The following PDLIM1 variants were observed in gnomAD, a reference collection of about 807,000 sequenced individuals.
PDLIM1 encodes PDZ and LIM domain 1.
PDLIM1 carries 25 observed loss-of-function variants against 35.2 expected under a neutral mutation model. The ratio of observed to expected loss-of-function variants is 0.71; its 90% CI spans 0.52 to 0.99. The LOEUF is 0.99. PDLIM1 is among the 50% of genes least tolerant of loss of function. The probability of loss-of-function intolerance (pLI) is 0.00; values close to 1 mark genes in which losing one functional copy is unlikely to be tolerated. For synonymous variants in PDLIM1, 152 were observed against 154.0 expected, an observed-to-expected ratio of 0.99 and a Z score of 0.10; for missense variants, 363 against 415.3, an observed-to-expected ratio of 0.87 and a Z score of 1.09.
chr10:95,258,085 G>A (rs2035331595), intron 4 of PDLIM1, among the ~76,000 whole-genome samples: 1 of 152,130 alleles, frequency 6.6e-6, no homozygotes, highest in Non-Finnish European at 1.5e-5. Context: ...GAGAGAGAGA[G>A]CTGGTGAAGG....
intron 1 of PDLIM1, among the ~76,000 whole-genome samples, chr10:95,284,059 G>C (rs2035581810): frequency 6.7e-6 from 1 of 150,104 alleles, no homozygotes; most frequent in Non-Finnish European, 1.5e-5. Context: ...CTTCACTCTT[G>C]TTGCTGTGAT....
chr10:95,252,076 G>C (rs569086252), intron 4 of PDLIM1, among the ~76,000 whole-genome samples: 1 of 152,186 alleles, frequency 6.6e-6, no homozygotes, highest in Admixed American at 6.5e-5. Flanking sequence ...AAGGCCAAGT[G>C]GGGGGTCCAG....
Position 95,271,765 on chromosome 10 carries a change from G to A in PDLIM1, c.116C>T (p.Ala39Val), listed in dbSNP as rs376529780. 16 of 1,611,550 alleles carry A rather than the reference G, an allele frequency of 9.9e-6. No homozygotes were observed. The highest frequency in any genetic ancestry group is 1.7e-4 in the Middle Eastern group (1 of 6,054). The change falls in exon 2 of 7, where the codon GCG (alanine) becomes GTG (valine). Residue 39 changes from alanine to valine, a missense_variant. By Grantham distance (64) the Ala-to-Val change is moderately conservative (BLOSUM62 0). Transcript: ENST00000329399. Reference protein sequence around the residue: ...AISRVTPGSKAALANLCIGDV... With the variant: ...AISRVTPGSKVALANLCIGDV... ...TCCAATACATAAATTAGCTAGAGCC[G>A]CCTTGCTTCCAGGAGTGACCTAGAA...
intron 4 of PDLIM1, among the ~76,000 whole-genome samples, chr10:95,258,003 A>G (rs1010578295): frequency 1.3e-5 from 2 of 152,218 alleles, no homozygotes; most frequent in Non-Finnish European, 2.9e-5. Flanking sequence ...ACAGTTCCAC[A>G]TGGCTGGGGT....
intron 1 of PDLIM1, among the ~76,000 whole-genome samples, chr10:95,279,373 T>G (rs183049015): frequency 2.0e-5 from 3 of 152,310 alleles, no homozygotes; most frequent in Middle Eastern, 3.4e-3. Flanking sequence ...TCTAGCCATT[T>G]TTTCCCATTC....
intron 4 of PDLIM1, among the ~76,000 whole-genome samples, chr10:95,263,105 A>T (rs2035379896): frequency 1.3e-5 from 2 of 151,078 alleles, no homozygotes; most frequent in African/African-American, 4.9e-5. Flanking sequence ...TGATCAAACC[A>T]CTGTACTCCA....
intron 1 of PDLIM1, among the ~76,000 whole-genome samples, chr10:95,281,241 A>G (rs2035558496): frequency 6.6e-6 from 1 of 152,068 alleles, no homozygotes. Context: ...AGGAATATCC[A>G]TTAGAATAGT....
intron 5 of PDLIM1, among the ~76,000 whole-genome samples, chr10:95,246,558 C>T (rs45472993): frequency 1.3e-5 from 2 of 152,244 alleles, no homozygotes; most frequent in East Asian, 1.9e-4. Flanking sequence ...TACTCAGTTA[C>T]GATGATGGAT....
In PDLIM1 at chr10:95,290,768, C is replaced by T. The variant is rs574808985; in HGVS notation, c.96+52G>A. 246 of 1,328,948 alleles carry T rather than the reference C, an allele frequency of 1.9e-4. 1 individual carries two copies. The South Asian group carries it at 3.2e-3, about 17-fold the overall frequency. 82.3% of individuals were successfully genotyped at this position (1,328,948 alleles called of 1,614,324 possible). A position where few individuals can be genotyped will look rare whatever the true frequency, so the allele number is the denominator to read the frequency against. On this transcript the variant is annotated intron_variant, in intron 1 of 6. Transcript: ENST00000329399. This position sits in a 1 kb window ranked among gnomAD's most constrained non-coding sequence, Gnocchi z 4.7. ...CGCGCCCGCGGGGCCCCAGTCTCCG[C>T]ATATCACCTCCCATAGCGCCCCGCT... is the stretch of plus-strand genomic sequence containing the variant.
At chr10:95,261,980 C>T (rs1453298245) in intron 4 of PDLIM1, among the ~76,000 whole-genome samples, 1 of 150,930 alleles carries the variant, frequency 6.6e-6, no homozygotes, top group Non-Finnish European at 1.5e-5. Context: ...TGCACTCTAG[C>T]CTAGGCAACA....
intron 3 of PDLIM1, among the ~76,000 whole-genome samples, chr10:95,266,058 C>T (rs535061991): frequency 9.9e-5 from 15 of 151,928 alleles, no homozygotes; most frequent in African/African-American, 3.6e-4. Context: ...ATTAGCTAGG[C>T]GTGGTGGCAC....
chr10:95,257,285 G>A (rs139826987), intron 4 of PDLIM1, among the ~76,000 whole-genome samples: 12 of 151,814 alleles, frequency 7.9e-5, no homozygotes, highest in Admixed American at 1.3e-4. Context: ...TCTTGAATAT[G>A]ACACAAAAAC....
At chr10:95,243,126 C>T (rs1003684382) in intron 5 of PDLIM1, among the ~76,000 whole-genome samples, 3 of 152,004 alleles carry the variant, frequency 2.0e-5, no homozygotes, top group African/African-American at 7.3e-5. Flanking sequence ...AATGAAGAGA[C>T]CTGACCTGGA....
At chr10:95,242,929 C>T (rs2035190400) in intron 5 of PDLIM1, among the ~76,000 whole-genome samples, 1 of 152,088 alleles carries the variant, frequency 6.6e-6, no homozygotes, top group Non-Finnish European at 1.5e-5. Flanking sequence ...GGGCTGAGAA[C>T]CAGCTCAATG....
intron 4 of PDLIM1, among the ~76,000 whole-genome samples, chr10:95,252,227 C>T (rs542730370): frequency 6.6e-6 from 1 of 152,214 alleles, no homozygotes; most frequent in South Asian, 2.1e-4. Context: ...GGACTCTCAC[C>T]ACTGCTCAGC....
At chr10:95,274,198 T>C (rs778504377) in intron 1 of PDLIM1, among the ~76,000 whole-genome samples, 6 of 152,056 alleles carry the variant, frequency 3.9e-5, no homozygotes, top group Non-Finnish European at 7.4e-5. Context: ...CTCTGCCTGA[T>C]TAACTTCTCA....
chr10:95,285,093 C>T (rs1197978384), intron 1 of PDLIM1, among the ~76,000 whole-genome samples: 2 of 152,198 alleles, frequency 1.3e-5, no homozygotes, highest in Non-Finnish European at 2.9e-5. Flanking sequence ...GCCCTCCTAT[C>T]CCCCACAAGC....
chr10:95,244,975 T>C (rs1342120766), intron 5 of PDLIM1, among the ~76,000 whole-genome samples: 3 of 152,158 alleles, frequency 2.0e-5, no homozygotes, highest in Non-Finnish European at 4.4e-5. Flanking sequence ...AAAGAATGTT[T>C]AGAATGGAAT....
At chr10:95,275,497 C>T (rs1056025362) in intron 1 of PDLIM1, among the ~76,000 whole-genome samples, 1 of 152,182 alleles carries the variant, frequency 6.6e-6, no homozygotes, top group African/African-American at 2.4e-5. Context: ...AAATGATTGG[C>T]TCTAAAACAC....
Sources: gnomAD v4.1 joint callset for allele counts (sites outside exome capture counted in the v4.1 genomes callset) on GRCh38, gnomAD v4.1.1 for gene constraint, Gnocchi (gnomAD v3.1) non-coding constraint, MANE v1.5 for transcripts, NCBI Gene and HGNC (gene_info 2026-07-23, HGNC 2026-07-21) for gene names.